FECH: variants seen among roughly 807,000 people sequenced by gnomAD.
FECH encodes the protein ferrochelatase, mitochondrial.
In FECH, 40 loss-of-function variants were observed where a neutral mutation model predicts 56.9. The observed-to-expected ratio is 0.70, with a 90% CI of 0.55 to 0.92. FECH has a LOEUF of 0.92. FECH is among the 40% of genes least tolerant of loss of function. FECH has a pLI of 0.00. For synonymous variants in FECH, 175 were observed against 198.6 expected (o/e 0.88, Z 1.00); for missense variants, 431 against 529.1 (o/e 0.81, Z 1.82).
intron 1 of FECH, among the ~76,000 whole-genome samples, chr18:57,585,677 A>G (rs1461578859): frequency 6.6e-6 from 1 of 152,214 alleles, no homozygotes; most frequent in Non-Finnish European, 1.5e-5. Flanking sequence ...CGAACGTCTT[A>G]GAAAAATATG....
At chr18:57,552,957 G>A (rs994273158) in intron 9 of FECH, among the ~76,000 whole-genome samples, 2 of 152,142 alleles carry the variant, frequency 1.3e-5, no homozygotes, top group East Asian at 3.9e-4. Context: ...CAGCTACTCA[G>A]GTAGCTGAGG....
intron 2 of FECH, among the ~76,000 whole-genome samples, chr18:57,576,804 A>C (rs909391423): frequency 4.3e-4 from 65 of 152,330 alleles, no homozygotes; most frequent in African/African-American, 1.3e-3. Context: ...AGTAAGCCCC[A>C]GTCTGACACC....
chr18:57,580,085 T>C lies in FECH; in HGVS notation c.182A>G (p.Gln61Arg). The change falls in exon 2 of 11, where the codon CAA becomes CGA. Residue 61 changes from glutamine to arginine, a missense_variant. Coordinates refer to ENST00000262093, the MANE Select transcript of FECH (RefSeq NM_000140.5). ...GTTAGACTCATACCTCTTCTGCGGT[T>C]GAACTTGAGGTTTTGCACCCTGGGC... ...QHAQGAKPQVQPQKRKPKTGI... is the reference protein window; with the variant it reads ...QHAQGAKPQVRPQKRKPKTGI... 1 of 1,614,122 alleles carries C rather than the reference T, an allele frequency of 6.2e-7. No individual in the cohort carries two copies. Among genetic ancestry groups the C allele is most frequent in the East Asian group, 2.2e-5 (1 of 44,886 alleles).
At chr18:57,558,567 C>CAGAAGG (rs1388714109) in intron 7 of FECH, among the ~76,000 whole-genome samples, 2 of 152,224 alleles carry the variant, frequency 1.3e-5, no homozygotes, top group Non-Finnish European at 2.9e-5. Flanking sequence ...CAAAAGCAGC[C>CAGAAGG]TTCTCTTAAC....
intron 6 of FECH, 143 bp downstream of exon 6, chr18:57,562,731 A>G (rs2050960871): frequency 1.5e-6 from 1 of 677,284 alleles, no homozygotes. Context: ...AATCAAGAAT[A>G]TAATACTTTT....
intron 1 of FECH, among the ~76,000 whole-genome samples, chr18:57,585,025 G>T (rs910461186): frequency 2.0e-5 from 3 of 150,220 alleles, no homozygotes; most frequent in Non-Finnish European, 4.4e-5. Flanking sequence ...AAAAACAAAA[G>T]AAACAAAACG....
intron 4 of FECH, chr18:57,568,004 CCATAAG>C (rs1463884469): frequency 6.6e-6 from 1 of 152,174 alleles, no homozygotes; most frequent in Non-Finnish European, 1.5e-5. Flanking sequence ...GGACATGATC[CCATAAG>C]CAAACTCCAA....
chr18:57,554,045 T>A (rs2050834093), intron 9 of FECH, among the ~76,000 whole-genome samples: 1 of 152,198 alleles, frequency 6.6e-6, no homozygotes, highest in African/African-American at 2.4e-5. Flanking sequence ...GGGCACCTGG[T>A]TTAAGGAAAG....
intron 8 of FECH, 80 bp from the exon 9 acceptor site, chr18:57,554,504 C>A: frequency 6.2e-6 from 9 of 1,442,962 alleles, no homozygotes; most frequent in African/African-American, 1.4e-5. Flanking sequence ...CCCCTGGGCA[C>A]ACGCACTGCC....
intron 4 of FECH, among the ~76,000 whole-genome samples, chr18:57,570,933 C>A: frequency 6.6e-6 from 1 of 152,324 alleles, no homozygotes; most frequent in South Asian, 2.1e-4. Context: ...AGCATCACTG[C>A]GAGTTGCTTA....
chr18:57,583,434 C>T (rs1301269122), intron 1 of FECH, among the ~76,000 whole-genome samples: 4 of 152,222 alleles, frequency 2.6e-5, no homozygotes, highest in African/African-American at 9.6e-5. Context: ...CACTGAGATG[C>T]TGCGAGTCTC....
chr18:57,567,935 G>C (rs895468158), intron 4 of FECH: 2 of 152,132 alleles, frequency 1.3e-5, no homozygotes, highest in African/African-American at 4.8e-5. Flanking sequence ...TCCATTTTCC[G>C]GCCACCAATT....
At position 57,586,626 on chromosome 18, in the gene FECH, G is replaced by A; in HGVS notation, c.-6C>T. Reference sequence around the variant, plus strand: ...TTTGCGCCGAGTGAACGCATTGCCTGGGCAGCCTCGGCCCGAGTCCGGGCT... The same window carrying A: ...TTTGCGCCGAGTGAACGCATTGCCTAGGCAGCCTCGGCCCGAGTCCGGGCT... On this transcript the variant is annotated 5_prime_UTR_variant, in exon 1 of 11. Coordinates refer to ENST00000262093, the MANE Select transcript of FECH (RefSeq NM_000140.5). The A allele has an allele frequency of 1.3e-6, 2 of 1,515,672 alleles. No individual in the cohort carries two copies. Among genetic ancestry groups the A allele is most frequent in the Non-Finnish European group, 8.8e-7 (1 of 1,138,246 alleles). 93.9% of individuals were successfully genotyped at this position (1,515,672 alleles called of 1,614,324 possible).
rs954889536 is a variant in FECH, at chr18:57,571,511, C to T, written c.344G>A (p.Arg115Gln). Residue 115 changes from arginine (R) to glutamine (Q), a missense_variant, in exon 4 of 11, where the codon CGA becomes CAA. Coordinates refer to ENST00000262093, the MANE Select transcript of FECH (RefSeq NM_000140.5). ...GTACTGCTCTTGAATCTTGGGGGTT[C>T]GGCGTTTGGCGATGAATGGTGCCAG... is the stretch of plus-strand genomic sequence containing the variant. ...NKLAPFIAKR[R>Q]TPKIQEQYRR... The T allele has an allele frequency of 4.3e-6, 7 of 1,613,652 alleles. No individual in the cohort carries two copies. Among genetic ancestry groups the T allele is most frequent in the South Asian group, 3.3e-5 (3 of 91,058 alleles).
At chr18:57,573,876 C>T (rs1175723400) in intron 2 of FECH, among the ~76,000 whole-genome samples, 1 of 152,224 alleles carries the variant, frequency 6.6e-6, no homozygotes, top group Non-Finnish European at 1.5e-5. Flanking sequence ...GTAAGTTCTA[C>T]TCTACACAGA....
chr18:57,550,629 G>A lies in FECH; in HGVS notation c.*83C>T. 1 of 1,571,110 alleles carries A rather than the reference G, an allele frequency of 6.4e-7. No homozygotes were observed. The highest frequency in any genetic ancestry group is 8.7e-7 in the Non-Finnish European group (1 of 1,144,562). On this transcript the variant is annotated 3_prime_UTR_variant, in exon 11 of 11. Transcript: ENST00000262093. ...TCAAGGAAGGATGACTTCCTTCCTT[G>A]ATCTCTAAATAACACCCTCTCCACA... is the stretch of plus-strand genomic sequence containing the variant.
Position 57,554,937 on chromosome 18 carries a change from C to A in FECH, c.820G>T (p.Asp274Tyr). 6.2e-7 allele frequency: 1 copy of A among 1,614,048 alleles called. No homozygotes were observed. Among genetic ancestry groups the A allele is most frequent in the South Asian group, 1.1e-5 (1 of 91,048 alleles). The change falls in exon 8 of 11, where the codon GAC (aspartate) becomes TAC (tyrosine). Residue 274 changes from aspartate to tyrosine, a missense_variant. By Grantham distance (160) the Asp-to-Tyr change is radical. Transcript: ENST00000262093. Reference sequence around the variant, plus strand: ...GCGCTTACCTCCTGAGGATATGGGTCGCCTCTGTTGACCACCTGCAGCAGA... The same window carrying A: ...GCGCTTACCTCCTGAGGATATGGGTAGCCTCTGTTGACCACCTGCAGCAGA... ...SLPMSVVNRGDPYPQEVSATV... is the reference protein window; with the variant it reads ...SLPMSVVNRGYPYPQEVSATV...
chr18:57,574,301 T>C (rs998505627), intron 2 of FECH, among the ~76,000 whole-genome samples: 3 of 152,182 alleles, frequency 2.0e-5, no homozygotes, highest in African/African-American at 7.2e-5. Flanking sequence ...ACTTAAGTTA[T>C]TGCTTGCTCC....
chr18:57,584,649 A>G (rs2051338023), intron 1 of FECH, among the ~76,000 whole-genome samples: 2 of 151,924 alleles, frequency 1.3e-5, no homozygotes, highest in African/African-American at 4.8e-5. Context: ...TACTTATAAA[A>G]TATGCACCGT....
Sources: allele counts gnomAD v4.1 joint callset (sites outside exome capture counted in the v4.1 genomes callset), GRCh38; gene constraint gnomAD v4.1.1; transcripts MANE v1.5; gene names NCBI Gene and HGNC (gene_info 2026-07-23, HGNC 2026-07-21).